CCDC27: variants seen among roughly 807,000 people sequenced by gnomAD.
CCDC27 encodes coiled-coil domain containing 27.
A neutral mutation model predicts 80.3 loss-of-function variants in CCDC27; 80 were observed. The ratio of observed to expected loss-of-function variants is 1.00; its 90% confidence interval spans 0.83 to 1.20. CCDC27 has a LOEUF of 1.20. Ranked by LOEUF, CCDC27 falls within the 50% of genes most tolerant of loss-of-function variation. The pLI is 0.00. For synonymous variants in CCDC27, 342 were observed against 334.3 expected (o/e 1.02, Z -0.25); for missense variants, 815 against 809.4 (o/e 1.01, Z -0.08).
chr1:3,754,033 T>C (rs1291429706), intron 1 of CCDC27, 85 bp from the exon 2 acceptor site: 1 of 1,554,052 alleles, frequency 6.4e-7, no homozygotes, highest in African/African-American at 1.4e-5. Flanking sequence ...TTTGTGATGG[T>C]TTAGGGAAAC....
At position 3,763,777 on chromosome 1, in the gene CCDC27, G is replaced by A. The variant is rs778422378; in HGVS notation, c.1393G>A (p.Glu465Lys). ...TQLRKINTENETLQKELRERR... is the reference protein window; with the variant it reads ...TQLRKINTENKTLQKELRERR... ...GCTGCGAAAGATCAATACGGAAAATGAGACGCTGCAGAAGGAGCTCCGAGA... is the reference window on the plus strand; with the variant it reads ...GCTGCGAAAGATCAATACGGAAAATAAGACGCTGCAGAAGGAGCTCCGAGA... Residue 465 changes from glutamate to lysine, a missense_variant, in exon 8 of 12, where the codon GAG becomes AAG. Transcript: ENST00000294600. The surrounding 1 kb of genome is among the most constrained non-coding windows in gnomAD (Gnocchi z 7.5). 3.1e-6 allele frequency: 5 copies of A among 1,614,166 alleles called. No individual in the cohort carries two copies. Among genetic ancestry groups the A allele is most frequent in the Non-Finnish European group, 4.2e-6 (5 of 1,179,998 alleles).
At chr1:3,752,861 C>A in intron 1 of CCDC27, 62 bp downstream of exon 1, 1 of 1,519,260 alleles carries the variant, frequency 6.6e-7, no homozygotes, top group Non-Finnish European at 8.9e-7. Context: ...TTCTCCTCCC[C>A]AAAGGCCCAT....
chr1:3,753,385 G>A (rs1377227482), intron 1 of CCDC27, among the ~76,000 whole-genome samples: 5 of 147,578 alleles, frequency 3.4e-5, no homozygotes, highest in African/African-American at 1.0e-4. Context: ...GTGCAATGGC[G>A]CGATCTTGGC....
In CCDC27 at chr1:3,763,056, C is replaced by G; in HGVS notation, c.955-52C>G. 1 of 1,449,332 alleles carries G rather than the reference C, an allele frequency of 6.9e-7. No homozygotes were observed. The highest frequency in any genetic ancestry group is 2.5e-5 in the East Asian group (1 of 39,944). The allele number at this position is 1,449,332 out of a possible 1,614,324, so 89.8% of individuals were successfully genotyped here. On this transcript the variant is annotated intron_variant, in intron 6 of 11. Transcript: ENST00000294600. The surrounding 1 kb of genome is among the most constrained non-coding windows in gnomAD (Gnocchi z 7.5). ...CCGCCATGAGCATTAGAGCCCTCTG[C>G]CCTGGGGGTGCCCCGCAGCCCTGCC...
intron 11 of CCDC27, 116 bp from the exon 12 acceptor site, chr1:3,771,285 C>G: frequency 1.5e-6 from 2 of 1,316,658 alleles, no homozygotes; most frequent in Non-Finnish European, 2.1e-6. Flanking sequence ...GCAAGCCTCT[C>G]TGGAGGAGGA....
rs772743751 is a variant in CCDC27 at position 3,769,440 on chromosome 1, G to C, written c.1744-343G>C. 2.6e-5 allele frequency among the ~76,000 whole-genome samples: 4 copies of C among 152,152 alleles called. No individual in the cohort carries two copies. The highest frequency in any genetic ancestry group is 5.9e-5 in the Non-Finnish European group (4 of 68,020). On this transcript the variant is annotated intron_variant, in intron 10 of 11. Transcript: ENST00000294600. The surrounding 1 kb of genome is among the most constrained non-coding windows in gnomAD (Gnocchi z 4.6). Reference sequence around the variant, plus strand: ...CTGGGCAGTGGAGGATGGTCCAGGGGTTACGTGCGGCTTCTGTACTATTTT... The same window carrying C: ...CTGGGCAGTGGAGGATGGTCCAGGGCTTACGTGCGGCTTCTGTACTATTTT...
At chr1:3,753,653 G>A (rs781777589) in intron 1 of CCDC27, among the ~76,000 whole-genome samples, 8 of 152,224 alleles carry the variant, frequency 5.3e-5, no homozygotes, top group Non-Finnish European at 1.0e-4. Flanking sequence ...GGTTTCCAAA[G>A]TGGGTCTGCG....
At chr1:3,758,826 A>G (rs1643023252) in intron 4 of CCDC27, among the ~76,000 whole-genome samples, 1 of 151,046 alleles carries the variant, frequency 6.6e-6, no homozygotes, top group African/African-American at 2.4e-5. Context: ...CGAACTCTTG[A>G]GCTCAAGTGA....
At position 3,767,241 on chromosome 1, in the gene CCDC27, G is replaced by T; in HGVS notation, c.1539G>T (p.Ser513=). The T allele has an allele frequency of 6.2e-7, 1 of 1,613,876 alleles. No homozygotes were observed. The highest frequency in any genetic ancestry group is 8.5e-7 in the Non-Finnish European group (1 of 1,179,948). ...KDNQLLRQQV[S]ELERKLTKRD... ...TCCCCGGCTGTCCCCAGCAAGTGTC[G>T]GAACTGGAGAGAAAGCTCACCAAGC... is the stretch of plus-strand genomic sequence containing the variant. The change falls in exon 10 of 12, where the codon TCG becomes TCT. Residue 513 remains serine (S), a synonymous_variant. Transcript: ENST00000294600.
chr1:3,769,990 A>C lies in CCDC27; in HGVS notation c.1848+103A>C. The C allele has an allele frequency of 2.5e-6, 2 of 815,712 alleles. No individual in the cohort carries two copies. The highest frequency in any genetic ancestry group is 4.3e-6 in the Non-Finnish European group (2 of 469,058). 50.5% of individuals were successfully genotyped at this position (815,712 alleles called of 1,614,324 possible). On this transcript the variant is annotated intron_variant, in intron 11 of 11. Transcript: ENST00000294600. The surrounding 1 kb of genome is among the most constrained non-coding windows in gnomAD (Gnocchi z 4.6). Reference sequence around the variant, plus strand: ...CCTAGATTCCAGGGACTCTGTTCTCATCCTACCTGTGTCACCTATTCACTT... The same window carrying C: ...CCTAGATTCCAGGGACTCTGTTCTCCTCCTACCTGTGTCACCTATTCACTT...
At chr1:3,770,056 G>C (rs1643323674) in intron 11 of CCDC27, among the ~76,000 whole-genome samples, 169 bp downstream of exon 11, 1 of 152,126 alleles carries the variant, frequency 6.6e-6, no homozygotes, top group South Asian at 2.1e-4. Context: ...AGGCAGAGGG[G>C]ATCAAATCAT....
At position 3,767,374 on chromosome 1, in the gene CCDC27, C is replaced by T; in HGVS notation, c.1672C>T (p.Gln558Ter). 1 of 1,613,884 alleles carries T rather than the reference C, an allele frequency of 6.2e-7. No homozygotes were observed. The highest frequency in any genetic ancestry group is 1.1e-5 in the South Asian group (1 of 91,090). Residue 558 changes from glutamine (Q) to a stop codon, truncating the protein, a stop_gained, in exon 10 of 12, where the codon CAG (glutamine) becomes TAG (stop). Transcript: ENST00000294600. LOFTEE classifies it high-confidence loss of function. Reference sequence around the variant, plus strand: ...GTGGAAGCAGCTGCAGGAGGATTTGCAGAGCAAGAAGGAGATGATTCAGCA... The same window carrying T: ...GTGGAAGCAGCTGCAGGAGGATTTGTAGAGCAAGAAGGAGATGATTCAGCA... ...QRWKQLQEDL[Q>*]SKKEMIQQAE...
chr1:3,758,767 T>G (rs1643021652), intron 4 of CCDC27, among the ~76,000 whole-genome samples: 1 of 152,168 alleles, frequency 6.6e-6, no homozygotes, highest in Non-Finnish European at 1.5e-5. Context: ...ATTAATTTTT[T>G]TCGTTTTTTT....
In CCDC27 at chr1:3,767,310, G is replaced by C; in HGVS notation, c.1608G>C (p.Leu536=). The part of the protein sequence containing the change: ...ISELDTKVSQ[L]QEQVELDQNH... The stretch of plus-strand genomic sequence containing the variant: ...AGTTGGACACCAAGGTCAGCCAGCT[G>C]CAGGAGCAGGTGGAACTGGACCAGA... Residue 536 remains leucine, a synonymous_variant, in exon 10 of 12, where the codon CTG becomes CTC. Coordinates refer to ENST00000294600, the MANE Select transcript of CCDC27 (RefSeq NM_152492.3). 6.2e-7 allele frequency: 1 copy of C among 1,614,092 alleles called. No homozygotes were observed.
chr1:3,769,665 A>G lies in CCDC27; in HGVS notation c.1744-118A>G. On this transcript the variant is annotated intron_variant, in intron 10 of 11. Transcript: ENST00000294600. This position sits in a 1 kb window ranked among gnomAD's most constrained non-coding sequence, Gnocchi z 4.6. Reference sequence around the variant, plus strand: ...GTTTCCAGTTTCTAAAGCCATGAAAAGTGAGGGTGAGCTGTTCCTTCCTGG... The same window carrying G: ...GTTTCCAGTTTCTAAAGCCATGAAAGGTGAGGGTGAGCTGTTCCTTCCTGG... The G allele has an allele frequency of 1.4e-6, 1 of 716,192 alleles. No individual in the cohort carries two copies. Among genetic ancestry groups the G allele is most frequent in the Non-Finnish European group, 2.5e-6 (1 of 392,222 alleles). The allele number at this position is 716,192 out of a possible 1,614,324, so 44.4% of individuals were successfully genotyped here.
chr1:3,769,808 T>G lies in CCDC27; in HGVS notation c.1769T>G (p.Ile590Ser). 1 of 1,614,004 alleles carries G rather than the reference T, an allele frequency of 6.2e-7. No homozygotes were observed. Among genetic ancestry groups the G allele is most frequent in the Non-Finnish European group, 8.5e-7 (1 of 1,179,926 alleles). ...CTCGAGAGGTTAAGGAATAAGATCA[T>G]CCAGGCCACCTTTAGCATCTCCGGG... The part of the protein sequence containing the change: ...SRLERLRNKI[I>S]QATFSISGTK... Residue 590 changes from isoleucine to serine, a missense_variant, in exon 11 of 12, where the codon ATC (isoleucine) becomes AGC (serine). Ile to Ser is a moderately radical substitution (Grantham distance 142). Transcript: ENST00000294600. This position sits in a 1 kb window ranked among gnomAD's most constrained non-coding sequence, Gnocchi z 4.6.
Position 3,754,253 on chromosome 1 carries a change from C to A in CCDC27, c.442+12C>A, listed in dbSNP as rs188540862. 2.3e-4 allele frequency: 355 copies of A among 1,568,296 alleles called. 1 individual carries two copies. The East Asian group carries it at 8.4e-3, about 37-fold the overall frequency. Reference sequence around the variant, plus strand: ...CATGTCCCACTGTGGTAAGAGCCCCCCACCAGGACCGCCTGTGAAACTGCC... The same window carrying A: ...CATGTCCCACTGTGGTAAGAGCCCCACACCAGGACCGCCTGTGAAACTGCC... On this transcript the variant is annotated intron_variant, in intron 2 of 11. Coordinates refer to ENST00000294600, the MANE Select transcript of CCDC27 (RefSeq NM_152492.3).
chr1:3,763,174 G>A lies in CCDC27; in HGVS notation c.1021G>A (p.Glu341Lys), dbSNP rs1481138478. 4.0e-6 allele frequency: 6 copies of A among 1,505,456 alleles called. No homozygotes were observed. The highest frequency in any genetic ancestry group is 1.3e-5 in the South Asian group (1 of 75,068). 93.3% of individuals were successfully genotyped at this position (1,505,456 alleles called of 1,614,324 possible). Residue 341 changes from glutamate to lysine, a missense_variant, in exon 7 of 12, where the codon GAG becomes AAG. Glu to Lys is a moderately conservative substitution (Grantham distance 56). Transcript: ENST00000294600. This position sits in a 1 kb window ranked among gnomAD's most constrained non-coding sequence, Gnocchi z 7.5. ...CGACCTGGGAGGTGGCGAGGAGGACGAGGGCCTGGAAGGGGAGCCCGATGG... is the reference window on the plus strand; with the variant it reads ...CGACCTGGGAGGTGGCGAGGAGGACAAGGGCCTGGAAGGGGAGCCCGATGG... ...EPDLGGGEED[E>K]GLEGEPDGVE...
At position 3,754,216 on chromosome 1, in the gene CCDC27, C is replaced by T; in HGVS notation, c.417C>T (p.Thr139=). Residue 139 remains threonine, a synonymous_variant, in exon 2 of 12, where the codon ACC becomes ACT. Transcript: ENST00000294600. ...PTHPDCPQFS[T]RATSMSHCGS... is the part of the protein sequence containing the mutation. ...ATCCTGACTGCCCCCAGTTCAGCACCAGGGCCACATCCATGTCCCACTGTG... is the reference window on the plus strand; with the variant it reads ...ATCCTGACTGCCCCCAGTTCAGCACTAGGGCCACATCCATGTCCCACTGTG... 1 of 1,612,214 alleles carries T rather than the reference C, an allele frequency of 6.2e-7. No homozygotes were observed. Among genetic ancestry groups the T allele is most frequent in the Non-Finnish European group, 8.5e-7 (1 of 1,179,246 alleles).
Sources: allele counts gnomAD v4.1 joint callset (sites outside exome capture counted in the v4.1 genomes callset), GRCh38; gene constraint gnomAD v4.1.1; non-coding constraint Gnocchi (gnomAD v3.1); transcripts MANE v1.5; gene names NCBI Gene and HGNC (gene_info 2026-07-23, HGNC 2026-07-21).